Variants in RFX8 observed in about 807,000 individuals in gnomAD.
RFX8 encodes the protein regulatory factor X8.
RFX8 carries 46 observed loss-of-function variants against 54.6 expected under a neutral mutation model. The ratio of observed to expected loss-of-function variants is 0.84; its 90% confidence interval spans 0.67 to 1.08. The LOEUF is 1.08. RFX8 is among the 50% of genes least tolerant of loss of function. RFX8 has a pLI of 0.00. For missense variants in RFX8, 536 were observed against 562.3 expected, an observed-to-expected ratio of 0.95 and a Z score of 0.47; for synonymous variants, 192 against 209.5, an observed-to-expected ratio of 0.92 and a Z score of 0.72.
At chr2:101,446,238 T>C (rs10191662) in intron 2 of RFX8, among the ~76,000 whole-genome samples, 115,251 of 152,012 alleles carry the variant, frequency 0.76, 44,628 homozygotes, top group Middle Eastern at 0.89. Context: ...TGCAGTGGCG[T>C]GATCTCAGCT....
intron 2 of RFX8, among the ~76,000 whole-genome samples, chr2:101,446,554 G>A (rs534010933): frequency 1.3e-5 from 2 of 152,226 alleles, no homozygotes; most frequent in South Asian, 4.1e-4. Context: ...ATGACCAGCC[G>A]ATGTCACTCT....
chr2:101,425,015 T>C lies in RFX8; in HGVS notation c.73-2543A>G, dbSNP rs376446206. ...ATGTACCCTATAACTTAAAGTATAA[T>C]TTAAAAAATAATAATTTGAAACAGA... On this transcript the variant is annotated intron_variant, in intron 2 of 11. Coordinates refer to ENST00000428343, the MANE Select transcript of RFX8 (RefSeq NM_001145664.2). 1.4e-4 allele frequency among the ~76,000 whole-genome samples: 20 copies of C among 142,762 alleles called. No individual in the cohort carries two copies. The East Asian group carries it at 1.6e-3, about 12-fold the overall frequency. The allele number at this position is 142,762 out of a possible 152,430, so 93.7% of individuals were successfully genotyped here. A position where few individuals can be genotyped will look rare whatever the true frequency, so the allele number is the denominator to read the frequency against.
intron 2 of RFX8, among the ~76,000 whole-genome samples, chr2:101,447,708 A>G (rs961645015): frequency 1.3e-5 from 2 of 152,208 alleles, no homozygotes; most frequent in African/African-American, 4.8e-5. Context: ...ACTAGAACTT[A>G]TTCTTTCTGT....
At chr2:101,469,137 A>AC (rs1491510932) in intron 1 of RFX8, among the ~76,000 whole-genome samples, 1 of 116,992 alleles carries the variant, frequency 8.5e-6, no homozygotes. Flanking sequence ...TATATATATA[A>AC]GTATATATAT....
At chr2:101,433,786 A>G (rs531924716) in intron 2 of RFX8, among the ~76,000 whole-genome samples, 1 of 152,324 alleles carries the variant, frequency 6.6e-6, no homozygotes, top group East Asian at 1.9e-4. Flanking sequence ...TCCGTGTCAG[A>G]TTTCAGAGCA....
chr2:101,399,691 A>T lies in RFX8; in HGVS notation c.1246-1967T>A, dbSNP rs533568497. On this transcript the variant is annotated intron_variant, in intron 11 of 11. Transcript: ENST00000428343. ...ATAGTCTAAGCATTTTACAACAATTAACTCATTTAAACCTCATAATGTTCC... is the reference window on the plus strand; with the variant it reads ...ATAGTCTAAGCATTTTACAACAATTTACTCATTTAAACCTCATAATGTTCC... Among the ~76,000 whole-genome samples the T allele has an allele frequency of 3.3e-5, 5 of 152,318 alleles. 1 individual carries two copies. The highest frequency in any genetic ancestry group is 9.6e-5 in the African/African-American group (4 of 41,556).
In RFX8 at chr2:101,455,020, CT is replaced by C. The variant is rs556030262; in HGVS notation, c.72+11756del. On this transcript the variant is annotated intron_variant, in intron 2 of 11. Coordinates refer to ENST00000428343, the MANE Select transcript of RFX8 (RefSeq NM_001145664.2). Reference sequence around the variant, plus strand: ...TGCCTAGGTTTTCTTTTTCTTTTTTCTTTTTTTTTTTGAGACAGAGTTTCAC... The same window carrying C: ...TGCCTAGGTTTTCTTTTTCTTTTTTCTTTTTTTTTTGAGACAGAGTTTCAC... Among the ~76,000 whole-genome samples, 61 of 142,238 alleles carry C rather than the reference CT, an allele frequency of 4.3e-4. 1 individual carries two copies. The highest frequency in any genetic ancestry group is 4.9e-4 in the Admixed American group (7 of 14,234). 93.3% of individuals were successfully genotyped at this position (142,238 alleles called of 152,430 possible).
At chr2:101,460,059 G>A (rs1188806259) in intron 2 of RFX8, among the ~76,000 whole-genome samples, 1 of 152,262 alleles carries the variant, frequency 6.6e-6, no homozygotes, top group Non-Finnish European at 1.5e-5. Flanking sequence ...CCAGGCACAG[G>A]AGGGAATCTC....
chr2:101,428,866 C>G (rs6543047), intron 2 of RFX8: 3 of 797,728 alleles, frequency 3.8e-6, no homozygotes, highest in East Asian at 5.3e-5. Flanking sequence ...CAGAAGAGTA[C>G]GCACAGAAAA....
intron 2 of RFX8, among the ~76,000 whole-genome samples, chr2:101,452,903 G>A (rs1405020393): frequency 6.6e-6 from 1 of 151,602 alleles, no homozygotes; most frequent in East Asian, 1.9e-4. Flanking sequence ...TCAAGAGATT[G>A]AGACCATCCT....
chr2:101,456,832 C>A (rs932058660), intron 2 of RFX8, among the ~76,000 whole-genome samples: 3 of 152,158 alleles, frequency 2.0e-5, no homozygotes, highest in African/African-American at 7.2e-5. Flanking sequence ...GCTGTAGAAT[C>A]CATCTGGTTC....
intron 1 of RFX8, among the ~76,000 whole-genome samples, chr2:101,467,473 A>G (rs915291465): frequency 6.6e-6 from 1 of 152,196 alleles, no homozygotes; most frequent in African/African-American, 2.4e-5. Context: ...GATTCTTTGA[A>G]TTGCAATGAG....
At chr2:101,421,104 T>C (rs1686836940) in intron 4 of RFX8, 1 of 242,694 alleles carries the variant, frequency 4.1e-6, no homozygotes, top group African/African-American at 2.3e-5. Context: ...GCCGAGTAGG[T>C]AGTAAATGCG....
At chr2:101,466,693 A>T in intron 2 of RFX8, 84 bp downstream of exon 2, 2 of 990,774 alleles carry the variant, frequency 2.0e-6, no homozygotes, top group Non-Finnish European at 3.1e-6. Context: ...ATTAGACTCA[A>T]ATACATTGCA....
intron 2 of RFX8, among the ~76,000 whole-genome samples, chr2:101,435,532 G>T (rs944937930): frequency 3.3e-5 from 5 of 152,114 alleles, no homozygotes; most frequent in African/African-American, 1.2e-4. Flanking sequence ...CTCCAGATGT[G>T]ATATAATGCA....
chr2:101,462,504 A>G (rs542821297), intron 2 of RFX8, among the ~76,000 whole-genome samples: 2 of 152,332 alleles, frequency 1.3e-5, no homozygotes, highest in Non-Finnish European at 2.9e-5. Context: ...TACAAGATGC[A>G]CTTGAAAATA....
chr2:101,471,725 T>G (rs1237621653), intron 1 of RFX8, among the ~76,000 whole-genome samples: 2 of 152,202 alleles, frequency 1.3e-5, no homozygotes, highest in African/African-American at 4.8e-5. Flanking sequence ...AACAGAAACC[T>G]TCTATTACCT....
chr2:101,467,995 C>T (rs1689674870), intron 1 of RFX8, among the ~76,000 whole-genome samples: 1 of 152,044 alleles, frequency 6.6e-6, no homozygotes, highest in Admixed American at 6.5e-5. Flanking sequence ...GGGTATTTTG[C>T]TCTAGATGGG....
At chr2:101,471,107 G>A (rs1689958926) in intron 1 of RFX8, among the ~76,000 whole-genome samples, 1 of 151,886 alleles carries the variant, frequency 6.6e-6, no homozygotes, top group African/African-American at 2.4e-5. Context: ...GCTGAGATGG[G>A]CAGATCACCT....
Sources: gnomAD v4.1 joint callset for allele counts (sites outside exome capture counted in the v4.1 genomes callset) on GRCh38, gnomAD v4.1.1 for gene constraint, MANE v1.5 for transcripts, NCBI Gene and HGNC (gene_info 2026-07-23, HGNC 2026-07-21) for gene names.